The following NELL2 variants were observed in gnomAD, a reference collection of about 807,000 sequenced individuals.
NELL2 encodes the protein protein kinase C-binding protein NELL2.
NELL2 carries 41 observed loss-of-function variants against 109.6 expected under a neutral mutation model. The observed-to-expected ratio is 0.37, with a 90% CI of 0.29 to 0.49. The LOEUF (loss-of-function observed/expected upper bound fraction) is 0.49. NELL2 is among the 20% of genes least tolerant of loss of function. The pLI, the probability that NELL2 is intolerant of heterozygous loss-of-function variation, is 0.98. For synonymous variants in NELL2, 355 were observed against 344.7 expected (o/e 1.03, Z -0.33); for missense variants, 900 against 1,008.3 (o/e 0.89, Z 1.45).
intron 15 of NELL2, among the ~76,000 whole-genome samples, chr12:44,540,686 T>G (rs951816587): frequency 6.8e-6 from 1 of 147,244 alleles, no homozygotes; most frequent in East Asian, 2.1e-4. Context: ...GAATTTGCTA[T>G]TGTTTGAATC....
intron 1 of NELL2, among the ~76,000 whole-genome samples, chr12:44,895,296 G>A (rs1008030637): frequency 1.3e-5 from 2 of 152,074 alleles, no homozygotes; most frequent in African/African-American, 4.8e-5. Flanking sequence ...ATTTAGTAAG[G>A]AGCTGTTAGT....
chr12:44,610,367 G>A (rs1215165958), intron 14 of NELL2, among the ~76,000 whole-genome samples: 1 of 151,988 alleles, frequency 6.6e-6, no homozygotes, highest in Non-Finnish European at 1.5e-5. Context: ...GCATGTTTGG[G>A]CTCGAAAAGA....
chr12:44,563,009 C>A (rs1398666498), intron 15 of NELL2, among the ~76,000 whole-genome samples: 1 of 152,158 alleles, frequency 6.6e-6, no homozygotes, highest in African/African-American at 2.4e-5. Context: ...AGTTCCTGTC[C>A]TTTGCAGGGA....
At chr12:44,637,997 G>A (rs1026887607) in intron 13 of NELL2, among the ~76,000 whole-genome samples, 1 of 151,898 alleles carries the variant, frequency 6.6e-6, no homozygotes, top group Non-Finnish European at 1.5e-5. Flanking sequence ...CTTTCTTACT[G>A]CAAAAGCCCT....
At chr12:44,558,229 GA>G (rs1217889607) in intron 15 of NELL2, among the ~76,000 whole-genome samples, 4 of 152,172 alleles carry the variant, frequency 2.6e-5, no homozygotes, top group African/African-American at 9.7e-5. Flanking sequence ...GTACAAAATG[GA>G]TAATCGATTG....
rs1194121191 is a variant in NELL2 at position 44,661,236 on chromosome 12, A to AG, written c.1444+4247dup. The stretch of plus-strand genomic sequence containing the variant: ...CATCCTAAGGGAAGAATCATGGGAA[A>AG]GGGGGGCAAGATGTTGGAGGTGGGC... On this transcript the variant is annotated intron_variant, in intron 13 of 19. Coordinates refer to ENST00000429094, the MANE Select transcript of NELL2 (RefSeq NM_001145108.2). Among the ~76,000 whole-genome samples the AG allele has an allele frequency of 3.3e-5, 5 of 152,222 alleles. No individual in the cohort carries two copies. The South Asian group carries it at 8.3e-4, about 25-fold the overall frequency.
chr12:44,606,331 T>A (rs1482408894), intron 15 of NELL2, among the ~76,000 whole-genome samples: 1 of 152,154 alleles, frequency 6.6e-6, no homozygotes, highest in African/African-American at 2.4e-5. Context: ...GAGCATGTAC[T>A]GTATCTATTG....
rs561809302 is a variant in NELL2 at position 44,887,074 on chromosome 12, A to G, written c.39-11174T>C. Among the ~76,000 whole-genome samples, 6 of 152,230 alleles carry G rather than the reference A, an allele frequency of 3.9e-5. 1 individual carries two copies. Among genetic ancestry groups the G allele is most frequent in the African/African-American group, 1.2e-4 (5 of 41,450 alleles). On this transcript the variant is annotated intron_variant, in intron 1 of 20. Transcript: ENST00000333837. The stretch of plus-strand genomic sequence containing the variant: ...TGGCTACTGTGAATAGTGCTGAATG[A>G]GCATGGGAGTGCGTATGCCTTTTTG...
In NELL2 at chr12:44,854,648, T is replaced by TTGGA. The variant is rs1020188041; in HGVS notation, c.184+20573_184+20576dup. 3.2e-4 allele frequency among the ~76,000 whole-genome samples: 47 copies of TTGGA among 145,150 alleles called. 1 individual carries two copies. Among genetic ancestry groups the TTGGA allele is most frequent in the African/African-American group, 8.4e-4 (33 of 39,288 alleles). ...TTAAGTATTATTAGAGACATGTTTA[T>TTGGA]TGGATGGATGGATGGATGGATGGAT... is the stretch of plus-strand genomic sequence containing the variant. On this transcript the variant is annotated intron_variant, in intron 2 of 19. Coordinates refer to ENST00000429094, the MANE Select transcript of NELL2 (RefSeq NM_001145108.2).
intron 2 of NELL2, among the ~76,000 whole-genome samples, chr12:44,868,119 C>CA (rs34038469): frequency 0.032 from 2,060 of 64,186 alleles, 59 homozygotes; most frequent in East Asian, 0.057. Flanking sequence ...GGCTCCATCT[C>CA]AAAAAAAAAA....
chr12:44,822,438 C>A (rs1197547784), intron 2 of NELL2, among the ~76,000 whole-genome samples: 1 of 152,164 alleles, frequency 6.6e-6, no homozygotes, highest in East Asian at 1.9e-4. Context: ...CCATCAAATT[C>A]TTCTTAACAT....
intron 12 of NELL2, among the ~76,000 whole-genome samples, chr12:44,668,759 C>A (rs563243179): frequency 1.3e-5 from 2 of 152,188 alleles, no homozygotes; most frequent in South Asian, 2.1e-4. Context: ...CCAGCATGCC[C>A]AACCCACTGC....
In NELL2 at chr12:44,876,118, C is replaced by T. The variant is rs992129400; in HGVS notation, c.-249G>A. 7.6e-7 allele frequency: 1 copy of T among 1,314,072 alleles called. No individual in the cohort carries two copies. The highest frequency in any genetic ancestry group is 9.7e-7 in the Non-Finnish European group (1 of 1,031,450). 81.4% of individuals were successfully genotyped at this position (1,314,072 alleles called of 1,614,324 possible). On this transcript the variant is annotated 5_prime_UTR_variant, in exon 1 of 20. Coordinates refer to ENST00000429094, the MANE Select transcript of NELL2 (RefSeq NM_001145108.2). ...GCAGGGCCGAGGCGGCAGCGCGGCCCGGAGGGGGCCCGGAGGGAGGGGTCG... is the reference window on the plus strand; with the variant it reads ...GCAGGGCCGAGGCGGCAGCGCGGCCTGGAGGGGGCCCGGAGGGAGGGGTCG...
intron 3 of NELL2, among the ~76,000 whole-genome samples, chr12:44,806,816 A>T (rs1943016799): frequency 6.6e-6 from 1 of 151,872 alleles, no homozygotes; most frequent in African/African-American, 2.4e-5. Context: ...TACTGGTACA[A>T]AAATAGACTA....
At chr12:44,516,291 T>C (rs1941252320) in intron 19 of NELL2, among the ~76,000 whole-genome samples, 1 of 152,146 alleles carries the variant, frequency 6.6e-6, no homozygotes, top group Non-Finnish European at 1.5e-5. Context: ...AGATGGATAT[T>C]GGCATGTATA....
chr12:44,528,097 C>CAAAAAAA lies in NELL2; in HGVS notation c.1804+4477_1804+4483dup, dbSNP rs71093812. On this transcript the variant is annotated intron_variant, in intron 16 of 19. Transcript: ENST00000429094. The stretch of plus-strand genomic sequence containing the variant: ...TGGGCGACAGAGCGAGACTCCGTCT[C>CAAAAAAA]AAAAAAAAAAAAAAAAAAAAAAAAA... Among the ~76,000 whole-genome samples, 37 of 22,004 alleles carry CAAAAAAA rather than the reference C, an allele frequency of 1.7e-3. 5 individuals carry two copies. The highest frequency in any genetic ancestry group is 0.011 in the South Asian group (3 of 278). The allele number at this position is 22,004 out of a possible 152,430, so 14.4% of individuals were successfully genotyped here. A position where few individuals can be genotyped will look rare whatever the true frequency, so the allele number is the denominator to read the frequency against.
chr12:44,578,042 A>G (rs972485051), intron 15 of NELL2, among the ~76,000 whole-genome samples: 3 of 152,182 alleles, frequency 2.0e-5, no homozygotes, highest in African/African-American at 4.8e-5. Flanking sequence ...GCCCGTACTT[A>G]TCTTTGAATA....
intron 1 of NELL2, among the ~76,000 whole-genome samples, chr12:44,883,055 G>C (rs1337296271): frequency 6.7e-6 from 1 of 149,294 alleles, no homozygotes; most frequent in Admixed American, 6.7e-5. Flanking sequence ...TGTTATGTTG[G>C]CCAGGCTGAT....
chr12:44,575,427 C>T (rs1944037822), intron 15 of NELL2, among the ~76,000 whole-genome samples: 1 of 152,220 alleles, frequency 6.6e-6, no homozygotes, highest in Non-Finnish European at 1.5e-5. Context: ...TCTTGATTTG[C>T]TGTATCTTTG....
Sources: gnomAD v4.1 joint callset for allele counts (sites outside exome capture counted in the v4.1 genomes callset) on GRCh38, gnomAD v4.1.1 for gene constraint, MANE v1.5 for transcripts, NCBI Gene and HGNC (gene_info 2026-07-23, HGNC 2026-07-21) for gene names.